The following FAM120B variants were observed in gnomAD, a reference collection of about 807,000 sequenced individuals.
FAM120B encodes the protein constitutive coactivator of peroxisome proliferator-activated receptor gamma.
In FAM120B, 83 loss-of-function variants were observed where a neutral mutation model predicts 96.3. That is an observed-to-expected ratio of 0.86 (90% CI 0.72 to 1.03). The LOEUF is 1.03. Among genes scored for constraint, FAM120B ranks in the 50% least tolerant of loss-of-function variants. FAM120B has a pLI of 0.00. For missense variants in FAM120B, 1,027 were observed against 1,121.2 expected (o/e 0.92, Z 1.20); for synonymous variants, 407 against 402.7 (o/e 1.01, Z -0.13).
At chr6:170,316,138 TTA>T (rs1409305213) in intron 1 of FAM120B, among the ~76,000 whole-genome samples, 1 of 151,804 alleles carries the variant, frequency 6.6e-6, no homozygotes, top group Admixed American at 6.6e-5. Flanking sequence ...ACCTAACAAT[TTA>T]TAGTTTCTTC....
chr6:170,378,693 G>A (rs954751070), intron 6 of FAM120B, among the ~76,000 whole-genome samples: 2 of 152,176 alleles, frequency 1.3e-5, no homozygotes, highest in Non-Finnish European at 2.9e-5. Flanking sequence ...TGGCGTAGAC[G>A]GGCCTGCAAA....
In FAM120B at chr6:170,405,883, A is replaced by C. The variant is rs1296508081; in HGVS notation, c.*1132A>C. 6.6e-6 allele frequency: 1 copy of C among 152,192 alleles called. No individual in the cohort carries two copies. The highest frequency in any genetic ancestry group is 2.4e-5 in the African/African-American group (1 of 41,456). 9.4% of individuals were successfully genotyped at this position (152,192 alleles called of 1,614,324 possible). A position where few individuals can be genotyped will look rare whatever the true frequency, so the allele number is the denominator to read the frequency against. On this transcript the variant is annotated 3_prime_UTR_variant, in exon 11 of 11. Coordinates refer to ENST00000476287, the MANE Select transcript of FAM120B (RefSeq NM_032448.3). ...GACAAGCCTGGCCCTCCATCCAGTC[A>C]CACAGGAAATCCACAGAGAGCATGC...
At chr6:170,317,277 C>G (rs1562518580) in intron 1 of FAM120B, 93 bp from the exon 2 acceptor site, 5 of 996,698 alleles carry the variant, frequency 5.0e-6, no homozygotes, top group Non-Finnish European at 7.5e-6. Context: ...TTTTTGGAAA[C>G]AGTGTGAATA....
intron 6 of FAM120B, among the ~76,000 whole-genome samples, chr6:170,371,667 C>A (rs1471033707): frequency 6.6e-6 from 1 of 152,200 alleles, no homozygotes; most frequent in Non-Finnish European, 1.5e-5. Flanking sequence ...AAGCAAAAAA[C>A]ATCTCACAGT....
intron 6 of FAM120B, among the ~76,000 whole-genome samples, chr6:170,383,022 G>A (rs1443273764): frequency 6.6e-6 from 1 of 151,696 alleles, no homozygotes; most frequent in South Asian, 2.1e-4. Flanking sequence ...TTTGGACAAG[G>A]TGCAAAAGCA....
upstream of FAM120B, among the ~76,000 whole-genome samples, chr6:170,302,633 A>G (rs994424977): frequency 6.6e-6 from 1 of 152,156 alleles, no homozygotes; most frequent in African/African-American, 2.4e-5. Flanking sequence ...GATGTCTCTC[A>G]CTTTAGCTTT....
chr6:170,323,944 C>T lies in FAM120B; in HGVS notation c.1915+685C>T, dbSNP rs1210722700. Among the ~76,000 whole-genome samples, 8 of 152,060 alleles carry T rather than the reference C, an allele frequency of 5.3e-5. No individual in the cohort carries two copies. The East Asian group carries it at 1.4e-3, about 26-fold the overall frequency. On this transcript the variant is annotated intron_variant, in intron 3 of 10. Transcript: ENST00000476287. ...CAGAGATGTTGAATGCATTTAGTGC[C>T]CTTCTATTTCAGTAAGGCCTTGTTC...
At chr6:170,347,577 T>C (rs1256463120) in intron 4 of FAM120B, among the ~76,000 whole-genome samples, 1 of 152,212 alleles carries the variant, frequency 6.6e-6, no homozygotes, top group Admixed American at 6.5e-5. Flanking sequence ...TTCCAAAGCC[T>C]GGGGTCCACA....
intron 1 of FAM120B, among the ~76,000 whole-genome samples, chr6:170,310,151 T>C (rs1340627314): frequency 6.6e-6 from 1 of 152,236 alleles, no homozygotes; most frequent in African/African-American, 2.4e-5. Flanking sequence ...AGAAAGGTAG[T>C]CCGTAGATGA....
At chr6:170,325,492 G>C (rs1375759740) in intron 3 of FAM120B, among the ~76,000 whole-genome samples, 1 of 147,984 alleles carries the variant, frequency 6.8e-6, no homozygotes, top group Non-Finnish European at 1.5e-5. Flanking sequence ...ATAATTTTTA[G>C]TATTGTGTTT....
intron 1 of FAM120B, among the ~76,000 whole-genome samples, chr6:170,314,479 G>A (rs1260530855): frequency 1.3e-5 from 2 of 152,096 alleles, no homozygotes; most frequent in Non-Finnish European, 2.9e-5. Context: ...CCATATTTGG[G>A]GCAATTAGAC....
intron 1 of FAM120B, chr6:170,298,036 T>C (rs777963812): frequency 7.2e-5 from 11 of 152,236 alleles, no homozygotes; most frequent in Non-Finnish European, 1.2e-4. Context: ...TTATTTTATT[T>C]TGATTTGTTT....
chr6:170,377,309 G>A (rs1468168381), intron 6 of FAM120B, among the ~76,000 whole-genome samples: 1 of 143,724 alleles, frequency 7.0e-6, no homozygotes, highest in Non-Finnish European at 1.5e-5. Context: ...CCAGATGCCC[G>A]GGAGAACACA....
chr6:170,314,458 AG>A (rs2115009291), intron 1 of FAM120B, among the ~76,000 whole-genome samples: 1 of 152,352 alleles, frequency 6.6e-6, no homozygotes, highest in East Asian at 1.9e-4. Context: ...TGATCCCCAA[AG>A]GGTCCCAGGC....
chr6:170,334,410 C>G lies in FAM120B; in HGVS notation c.2017+3860C>G, dbSNP rs529756366. Among the ~76,000 whole-genome samples the G allele has an allele frequency of 2.2e-4, 33 of 152,330 alleles. 1 individual carries two copies. The South Asian group carries it at 6.6e-3, about 31-fold the overall frequency. On this transcript the variant is annotated intron_variant, in intron 4 of 10. Transcript: ENST00000476287. ...TTTGATTCAATCTGTCATTTGCTAT[C>G]AAACAGTTGTAGTGGCTTTCTTGTT...
rs544629877 is a variant in FAM120B, at chr6:170,300,070, T to C, written c.48+4617T>C. On this transcript the variant is annotated intron_variant, in intron 1 of 10. Transcript: ENST00000537664. ...TTTGGCTTTTTGTCTTTCCTAATTT[T>C]TGGACGGTCAATTGTTACCTGTATT... Among the ~76,000 whole-genome samples the C allele has an allele frequency of 1.3e-4, 20 of 152,356 alleles. 1 individual carries two copies. In the South Asian group the frequency reaches 4.1e-3, roughly 32 times the overall value.
At chr6:170,331,777 T>C (rs950152139) in intron 4 of FAM120B, among the ~76,000 whole-genome samples, 1 of 152,338 alleles carries the variant, frequency 6.6e-6, no homozygotes, top group African/African-American at 2.4e-5. Flanking sequence ...AGAAATTGTA[T>C]AAGTATTAGA....
At chr6:170,290,901 G>A, upstream of FAM120B, 1 of 694,126 alleles carries the variant, frequency 1.4e-6, no homozygotes, top group South Asian at 1.5e-5. The surrounding 1 kb of genome is among the most constrained non-coding windows in gnomAD (Gnocchi z 4.7). Context: ...GGCCGGGTCG[G>A]GTCTCCGCGG....
intron 9 of FAM120B, among the ~76,000 whole-genome samples, chr6:170,401,438 C>T (rs763083133): frequency 6.6e-6 from 1 of 152,100 alleles, no homozygotes; most frequent in South Asian, 2.1e-4. Flanking sequence ...CCCATCAGGA[C>T]TGAGCTGGAG....
Sources: allele counts gnomAD v4.1 joint callset (sites outside exome capture counted in the v4.1 genomes callset), GRCh38; gene constraint gnomAD v4.1.1; non-coding constraint Gnocchi (gnomAD v3.1); transcripts MANE v1.5; gene names NCBI Gene and HGNC (gene_info 2026-07-23, HGNC 2026-07-21).